Variants in ABLIM1 observed in about 807,000 individuals in gnomAD.
ABLIM1 encodes the protein actin binding LIM protein 1, also known as actin-binding LIM protein 1.
In ABLIM1, 40 loss-of-function variants were observed where a neutral mutation model predicts 107.0. The ratio of observed to expected loss-of-function variants is 0.37; its 90% CI spans 0.29 to 0.49. The LOEUF (loss-of-function observed/expected upper bound fraction) is 0.49, where lower values mean the gene tolerates loss of function less well. Ranked by LOEUF, ABLIM1 falls within the 20% of genes least tolerant of loss-of-function variation. The pLI, the probability that ABLIM1 is intolerant of heterozygous loss-of-function variation, is 0.97. For synonymous variants in ABLIM1, 357 were observed against 357.3 expected (o/e 1.00, Z 0.01); for missense variants, 857 against 1,008.5 (o/e 0.85, Z 2.04).
At chr10:114,589,783 G>A (rs2074653883) in intron 2 of ABLIM1, among the ~76,000 whole-genome samples, 1 of 151,946 alleles carries the variant, frequency 6.6e-6, no homozygotes, top group Non-Finnish European at 1.5e-5. Context: ...TTAAAAATAA[G>A]GTTTATAAAG....
At chr10:114,692,952 C>A (rs143661390) in intron 1 of ABLIM1, among the ~76,000 whole-genome samples, 20 of 152,290 alleles carry the variant, frequency 1.3e-4, no homozygotes, top group African/African-American at 4.8e-4. Flanking sequence ...CCAAGGACAC[C>A]TTGCTGAATC....
intron 1 of ABLIM1, among the ~76,000 whole-genome samples, chr10:114,698,107 CA>C (rs2081232981): frequency 6.6e-6 from 1 of 151,752 alleles, no homozygotes; most frequent in Non-Finnish European, 1.5e-5. Flanking sequence ...AACAAAAGCA[CA>C]AAATTGGACC....
chr10:114,448,140 T>C, intron 14 of ABLIM1, 120 bp from the exon 15 acceptor site: 2 of 1,291,502 alleles, frequency 1.5e-6, no homozygotes, highest in Non-Finnish European at 2.2e-6. Flanking sequence ...GAAAGTTCTG[T>C]TTATTACCAT....
intron 6 of ABLIM1, among the ~76,000 whole-genome samples, chr10:114,501,530 G>GT (rs2135579850): frequency 6.6e-6 from 1 of 152,238 alleles, no homozygotes; most frequent in African/African-American, 2.4e-5. Flanking sequence ...AGATCATGTT[G>GT]TAAGTCCTTA....
intron 1 of ABLIM1, among the ~76,000 whole-genome samples, chr10:114,654,604 G>A (rs956919243): frequency 3.3e-5 from 5 of 152,084 alleles, no homozygotes; most frequent in Admixed American, 6.6e-5. Context: ...ACACCACCAT[G>A]CCCAGCCAGG....
chr10:114,436,479 G>A (rs2059410902), intron 22 of ABLIM1, 106 bp from the exon 23 acceptor site: 1 of 830,360 alleles, frequency 1.2e-6, no homozygotes, highest in African/African-American at 1.7e-5. Context: ...GAAGAACAAG[G>A]CAGGAGGACG....
At chr10:114,450,951 C>T (rs1186168138) in intron 14 of ABLIM1, among the ~76,000 whole-genome samples, 1 of 152,088 alleles carries the variant, frequency 6.6e-6, no homozygotes, top group Non-Finnish European at 1.5e-5. Context: ...ATGTGAGTTC[C>T]TGAGTTAAAA....
intron 1 of ABLIM1, among the ~76,000 whole-genome samples, chr10:114,618,849 A>G (rs2077289360): frequency 6.6e-6 from 1 of 152,116 alleles, no homozygotes; most frequent in South Asian, 2.1e-4. Flanking sequence ...ATGCAAAACT[A>G]CCATATTAGT....
At chr10:114,551,164 A>G (rs569058637) in intron 4 of ABLIM1, among the ~76,000 whole-genome samples, 113 of 152,356 alleles carry the variant, frequency 7.4e-4, no homozygotes, top group Middle Eastern at 3.4e-3. Context: ...GCTATCAGGA[A>G]GAAAAGAGAT....
intron 6 of ABLIM1, among the ~76,000 whole-genome samples, chr10:114,500,091 T>G (rs1480162601): frequency 6.6e-6 from 1 of 152,174 alleles, no homozygotes; most frequent in Non-Finnish European, 1.5e-5. Flanking sequence ...TCTATACAAG[T>G]CTGTGCAAAG....
At chr10:114,737,020 C>G (rs1050917200) in intron 1 of ABLIM1, among the ~76,000 whole-genome samples, 9 of 151,874 alleles carry the variant, frequency 5.9e-5, no homozygotes, top group East Asian at 3.9e-4. Flanking sequence ...AAAACCCCAT[C>G]TCTACTAAAA....
In ABLIM1 at chr10:114,485,505, A is replaced by G. The variant is rs2058063547; in HGVS notation, c.1041+2453T>C. 2.5e-5 allele frequency: 20 copies of G among 814,924 alleles called. No homozygotes were observed. The South Asian group carries it at 3.7e-4, about 15-fold the overall frequency. The allele number at this position is 814,924 out of a possible 1,614,324, so 50.5% of individuals were successfully genotyped here. On this transcript the variant is annotated intron_variant, in intron 8 of 22. Coordinates refer to ENST00000533213, the MANE Select transcript of ABLIM1 (RefSeq NM_002313.7). ...TAAAACTAACTTGAGAGTAAACATC[A>G]AGTGGGATTCTTTCATTGATGTACA...
rs998326608 is a variant in ABLIM1, at chr10:114,509,729, C to T, written c.895-17851G>A. ...CCTACCTGGTATCCACACCCTCATC[C>T]ATGCCTTGGCCATGTGGGCTCTGCG... On this transcript the variant is annotated intron_variant, in intron 6 of 22. Transcript: ENST00000533213. Among the ~76,000 whole-genome samples, 4 of 152,356 alleles carry T rather than the reference C, an allele frequency of 2.6e-5. No homozygotes were observed. In the South Asian group the frequency reaches 6.2e-4, roughly 24 times the overall value.
At chr10:114,510,340 T>C (rs1047462181) in intron 6 of ABLIM1, among the ~76,000 whole-genome samples, 1 of 150,568 alleles carries the variant, frequency 6.6e-6, no homozygotes, top group Admixed American at 6.6e-5. Context: ...CCCCTGGACT[T>C]AGGCATTTTC....
At chr10:114,512,627 C>A (rs1406807707) in intron 6 of ABLIM1, among the ~76,000 whole-genome samples, 1 of 152,072 alleles carries the variant, frequency 6.6e-6, no homozygotes, top group East Asian at 1.9e-4. Context: ...GAGTTCAAGA[C>A]CAGCCTGGGC....
chr10:114,503,877 C>T (rs960945201), intron 6 of ABLIM1, among the ~76,000 whole-genome samples: 9 of 152,146 alleles, frequency 5.9e-5, no homozygotes, highest in African/African-American at 2.2e-4. Flanking sequence ...ATTTTCAATC[C>T]TCCTTTCATC....
chr10:114,584,032 TG>T (rs1345213361), intron 2 of ABLIM1, among the ~76,000 whole-genome samples: 1 of 151,834 alleles, frequency 6.6e-6, no homozygotes, highest in Non-Finnish European at 1.5e-5. Flanking sequence ...ATTACCTGGG[TG>T]ATGGTTTCAA....
chr10:114,595,849 G>GT (rs2075364580), intron 2 of ABLIM1, among the ~76,000 whole-genome samples: 1 of 152,132 alleles, frequency 6.6e-6, no homozygotes, highest in Non-Finnish European at 1.5e-5. Context: ...TTCACACACA[G>GT]TTATATAGCT....
At chr10:114,774,101 C>T in the ABLIM1 span, among the ~76,000 whole-genome samples, 1 of 151,858 alleles carries the variant, frequency 6.6e-6, no homozygotes, top group Non-Finnish European at 1.5e-5. Context: ...TAGAAAGACA[C>T]CCTTAACTAC....
Sources: allele counts gnomAD v4.1 joint callset (sites outside exome capture counted in the v4.1 genomes callset), GRCh38; gene constraint gnomAD v4.1.1; transcripts MANE v1.5; gene names NCBI Gene and HGNC (gene_info 2026-07-23, HGNC 2026-07-21).